The following GRIA4 variants were observed in gnomAD, a reference collection of about 807,000 sequenced individuals.
GRIA4 encodes glutamate ionotropic receptor AMPA type subunit 4.
A neutral mutation model predicts 104.0 loss-of-function variants in GRIA4; 34 were observed. The observed-to-expected ratio is 0.33, with a 90% CI of 0.25 to 0.44. GRIA4 has a LOEUF of 0.44. GRIA4 is among the 20% of genes least tolerant of loss of function. The pLI is 1.00. For synonymous variants in GRIA4, 386 were observed against 381.9 expected (o/e 1.01, Z -0.13); for missense variants, 750 against 1,096.5 (o/e 0.68, Z 4.46).
chr11:105,810,783 T>G (rs1402904661), intron 4 of GRIA4, among the ~76,000 whole-genome samples: 2 of 151,998 alleles, frequency 1.3e-5, no homozygotes, highest in Non-Finnish European at 2.9e-5. Flanking sequence ...CCTTTCAGAG[T>G]TTCACCTGAC....
intron 4 of GRIA4, among the ~76,000 whole-genome samples, chr11:105,754,172 T>A (rs1940169868): frequency 6.6e-6 from 1 of 152,108 alleles, no homozygotes; most frequent in Non-Finnish European, 1.5e-5. Flanking sequence ...CAACCACCAG[T>A]TATCTCATTA....
intron 4 of GRIA4, among the ~76,000 whole-genome samples, chr11:105,803,478 T>C (rs1249164843): frequency 4.6e-5 from 7 of 151,904 alleles, no homozygotes; most frequent in Admixed American, 2.0e-4. Context: ...ATGTGCTTCA[T>C]AAGGTGGAAC....
intron 14 of GRIA4, among the ~76,000 whole-genome samples, chr11:105,955,502 T>C (rs1948565050): frequency 6.6e-6 from 1 of 152,242 alleles, no homozygotes; most frequent in South Asian, 2.1e-4. Flanking sequence ...ATGTACCATA[T>C]TTTCTTTATC....
intron 4 of GRIA4, among the ~76,000 whole-genome samples, chr11:105,778,422 G>T (rs1005493346): frequency 1.3e-5 from 2 of 152,180 alleles, no homozygotes; most frequent in Non-Finnish European, 2.9e-5. Flanking sequence ...CAAGTACAAG[G>T]GGGGCTGGGC....
At chr11:105,912,476 TCA>T in intron 10 of GRIA4, 1 of 909,702 alleles carries the variant, frequency 1.1e-6, no homozygotes, top group African/African-American at 1.9e-5. Context: ...AAGCATGCTA[TCA>T]AAAAAAAAAA....
intron 7 of GRIA4, among the ~76,000 whole-genome samples, chr11:105,902,803 G>T (rs949982625): frequency 6.6e-6 from 1 of 152,140 alleles, no homozygotes; most frequent in Non-Finnish European, 1.5e-5. Flanking sequence ...AGGAGATAAT[G>T]TAGTTTTTGC....
intron 6 of GRIA4, among the ~76,000 whole-genome samples, chr11:105,888,048 C>T (rs1432841458): frequency 6.6e-6 from 1 of 151,992 alleles, no homozygotes; most frequent in East Asian, 1.9e-4. Context: ...AAATGGCTAA[C>T]AAACAAGATA....
intron 4 of GRIA4, among the ~76,000 whole-genome samples, chr11:105,858,699 A>C (rs746646214): frequency 6.6e-6 from 1 of 151,968 alleles, no homozygotes; most frequent in Non-Finnish European, 1.5e-5. Context: ...TCATTCTACT[A>C]TCTCCAATAA....
Position 105,797,699 on chromosome 11 carries a change from T to G in GRIA4, c.487+44479T>G, listed in dbSNP as rs928656621. 8.2e-6 allele frequency: 3 copies of G among 366,352 alleles called. No homozygotes were observed. In the Admixed American group the frequency reaches 1.0e-4, roughly 12 times the overall value. 22.7% of individuals were successfully genotyped at this position (366,352 alleles called of 1,614,324 possible). A position where few individuals can be genotyped will look rare whatever the true frequency, so the allele number is the denominator to read the frequency against. ...TTTCTGAAACTATAATGAGTTTCTT[T>G]GTGTCTTGTTCATTTCTCTTTTGTA... On this transcript the variant is annotated intron_variant, in intron 4 of 16. Transcript: ENST00000282499.
intron 5 of GRIA4, among the ~76,000 whole-genome samples, chr11:105,886,916 A>C (rs1181054023): frequency 6.6e-6 from 1 of 151,970 alleles, no homozygotes; most frequent in East Asian, 1.9e-4. Flanking sequence ...CAGAAAAAAA[A>C]AAAGAATCCA....
intron 3 of GRIA4, among the ~76,000 whole-genome samples, chr11:105,712,293 A>T (rs1045819561): frequency 2.0e-5 from 3 of 152,072 alleles, no homozygotes; most frequent in African/African-American, 7.2e-5. Context: ...TGATGTCCTT[A>T]GTTTAAATGA....
At chr11:105,626,181 T>C (rs1479437008) in intron 3 of GRIA4, among the ~76,000 whole-genome samples, 1 of 152,064 alleles carries the variant, frequency 6.6e-6, no homozygotes, top group Non-Finnish European at 1.5e-5. Flanking sequence ...CTGGTACATT[T>C]TTTAAAGTAA....
intron 14 of GRIA4, among the ~76,000 whole-genome samples, chr11:105,942,771 T>A (rs1226942543): frequency 6.6e-6 from 1 of 152,142 alleles, no homozygotes; most frequent in Non-Finnish European, 1.5e-5. Context: ...TCAACTTCCA[T>A]AAATTTTAGC....
At chr11:105,949,987 G>A (rs1413912099) in intron 14 of GRIA4, among the ~76,000 whole-genome samples, 1 of 152,134 alleles carries the variant, frequency 6.6e-6, no homozygotes, top group Non-Finnish European at 1.5e-5. Flanking sequence ...TACCATACGG[G>A]ATTGTTGTGA....
At chr11:105,728,792 C>T (rs1034956940) in intron 3 of GRIA4, among the ~76,000 whole-genome samples, 8 of 152,086 alleles carry the variant, frequency 5.3e-5, no homozygotes, top group Non-Finnish European at 8.8e-5. Flanking sequence ...TAAATAAGTT[C>T]CTTGAAACTA....
At chr11:105,905,601 G>A (rs1184190631) in intron 9 of GRIA4, among the ~76,000 whole-genome samples, 1 of 152,160 alleles carries the variant, frequency 6.6e-6, no homozygotes, top group Admixed American at 6.5e-5. Context: ...AATTGGCTCT[G>A]CAGAAGAGAA....
intron 3 of GRIA4, among the ~76,000 whole-genome samples, chr11:105,622,309 T>C (rs147318106): frequency 2.6e-5 from 4 of 151,878 alleles, no homozygotes; most frequent in African/African-American, 9.7e-5. Context: ...TAACACTAAC[T>C]CTTCTGGAAT....
chr11:105,741,068 G>T (rs1939275334), intron 3 of GRIA4, among the ~76,000 whole-genome samples: 1 of 152,146 alleles, frequency 6.6e-6, no homozygotes. Context: ...GCAAAAAATG[G>T]CAGCGTAATG....
chr11:105,621,774 A>G (rs896480074), intron 3 of GRIA4, among the ~76,000 whole-genome samples: 2 of 151,806 alleles, frequency 1.3e-5, no homozygotes, highest in South Asian at 4.1e-4. Flanking sequence ...TTTAATGAAT[A>G]TTATCATATA....
Sources: gnomAD v4.1 joint callset for allele counts (sites outside exome capture counted in the v4.1 genomes callset) on GRCh38, gnomAD v4.1.1 for gene constraint, MANE v1.5 for transcripts, NCBI Gene and HGNC (gene_info 2026-07-23, HGNC 2026-07-21) for gene names.